Variants in CFAP20DC observed in about 807,000 individuals in gnomAD.
CFAP20DC encodes CFAP20 domain containing.
A neutral mutation model predicts 101.7 loss-of-function variants in CFAP20DC; 84 were observed. The observed-to-expected ratio is 0.83, with a 90% CI of 0.69 to 0.99. The LOEUF (loss-of-function observed/expected upper bound fraction) is 0.99. CFAP20DC is among the 50% of genes least tolerant of loss of function. The pLI is 0.00. For synonymous variants in CFAP20DC, 359 were observed against 351.2 expected, an observed-to-expected ratio of 1.02 and a Z score of -0.25; for missense variants, 1,007 against 970.3, an observed-to-expected ratio of 1.04 and a Z score of -0.50.
chr3:59,003,781 G>A (rs751148401), intron 4 of CFAP20DC, among the ~76,000 whole-genome samples: 45 of 152,222 alleles, frequency 3.0e-4, no homozygotes, highest in Admixed American at 3.9e-4. Flanking sequence ...ACTAACTTGC[G>A]GGAAGAAAGT....
At chr3:58,900,068 G>A (rs1411449214) in intron 6 of CFAP20DC, among the ~76,000 whole-genome samples, 1 of 152,206 alleles carries the variant, frequency 6.6e-6, no homozygotes, top group Non-Finnish European at 1.5e-5. Flanking sequence ...AGACATTTAA[G>A]TTGAGTCATA....
intron 12 of CFAP20DC, among the ~76,000 whole-genome samples, chr3:58,854,677 T>C (rs1207220288): frequency 2.0e-5 from 3 of 151,812 alleles, no homozygotes; most frequent in Non-Finnish European, 2.9e-5. Flanking sequence ...TCAGAAATAA[T>C]GCCACATATC....
Position 58,765,995 on chromosome 3 carries a change from T to C in CFAP20DC, c.2238-12132A>G, listed in dbSNP as rs866359655. On this transcript the variant is annotated intron_variant, in intron 15 of 16. Transcript: ENST00000482387. Reference sequence around the variant, plus strand: ...ACTTCCAATTTCAGGAGGTCAGAGATAGTCTAAAGCCCATATGTGAACCTC... The same window carrying C: ...ACTTCCAATTTCAGGAGGTCAGAGACAGTCTAAAGCCCATATGTGAACCTC... 2.4e-4 allele frequency among the ~76,000 whole-genome samples: 36 copies of C among 152,248 alleles called. No homozygotes were observed. In the Middle Eastern group the frequency reaches 0.01, roughly 43 times the overall value.
At chr3:58,923,723 T>C (rs2085644285) in intron 5 of CFAP20DC, among the ~76,000 whole-genome samples, 1 of 152,214 alleles carries the variant, frequency 6.6e-6, no homozygotes, top group Admixed American at 6.5e-5. Context: ...TGTATGTGTG[T>C]GCCTGTATTA....
rs907343976 is a variant in CFAP20DC, at chr3:58,799,842, G to T, written c.2237+6553C>A. Among the ~76,000 whole-genome samples the T allele has an allele frequency of 1.6e-4, 25 of 152,140 alleles. No homozygotes were observed. The highest frequency in any genetic ancestry group is 5.1e-4 in the African/African-American group (21 of 41,498). On this transcript the variant is annotated intron_variant, in intron 15 of 16. Coordinates refer to ENST00000482387, the MANE Select transcript of CFAP20DC (RefSeq NM_001394063.1). This position sits in a 1 kb window ranked among gnomAD's most constrained non-coding sequence, Gnocchi z 4.9. ...AAACAAAAAAGATAATGTGCTAAAG[G>T]TGACTGAGGGCTATTTTAGGGTGGA...
chr3:58,783,009 A>G (rs536750704), intron 15 of CFAP20DC, among the ~76,000 whole-genome samples: 3 of 152,106 alleles, frequency 2.0e-5, no homozygotes, highest in Non-Finnish European at 4.4e-5. Flanking sequence ...GTGAGGCATC[A>G]TATTACCTGA....
intron 3 of CFAP20DC, among the ~76,000 whole-genome samples, chr3:59,043,008 G>T (rs990907604): frequency 6.6e-6 from 1 of 152,184 alleles, no homozygotes; most frequent in Non-Finnish European, 1.5e-5. Context: ...GAATTTCGAG[G>T]AGTAAAGACC....
At chr3:58,871,087 A>G (rs955850314) in intron 7 of CFAP20DC, among the ~76,000 whole-genome samples, 2 of 152,168 alleles carry the variant, frequency 1.3e-5, no homozygotes, top group Non-Finnish European at 2.9e-5. Context: ...GAGGCGGATA[A>G]GACCAGTAAA....
At chr3:58,811,370 G>C (rs1217097707) in intron 14 of CFAP20DC, among the ~76,000 whole-genome samples, 1 of 152,008 alleles carries the variant, frequency 6.6e-6, no homozygotes, top group Non-Finnish European at 1.5e-5. Context: ...TAGATCAATG[G>C]AACAGAACAG....
intron 6 of CFAP20DC, among the ~76,000 whole-genome samples, chr3:58,904,373 T>A (rs964323787): frequency 2.2e-4 from 34 of 152,270 alleles, no homozygotes; most frequent in Middle Eastern, 3.4e-3. Flanking sequence ...CAGATATTCA[T>A]GACCCATTTT....
intron 4 of CFAP20DC, among the ~76,000 whole-genome samples, chr3:58,966,233 C>G (rs1478538997): frequency 2.6e-4 from 40 of 152,146 alleles, no homozygotes. Context: ...AGAAGTGACC[C>G]TTAAAGCCAG....
At chr3:58,963,589 CAG>C (rs200481851) in intron 4 of CFAP20DC, among the ~76,000 whole-genome samples, 2,194 of 152,104 alleles carry the variant, frequency 0.014, 21 homozygotes, top group Middle Eastern at 0.024. Flanking sequence ...TAGATGGTAA[CAG>C]AGAAGCCTCA....
chr3:58,798,964 CTT>C (rs760181684), intron 15 of CFAP20DC, among the ~76,000 whole-genome samples: 9 of 152,126 alleles, frequency 5.9e-5, no homozygotes, highest in Non-Finnish European at 1.2e-4. Flanking sequence ...AGTAACATAA[CTT>C]TTACATGCAC....
intron 14 of CFAP20DC, among the ~76,000 whole-genome samples, chr3:58,829,768 G>A (rs777842290): frequency 6.6e-6 from 1 of 152,180 alleles, no homozygotes; most frequent in Non-Finnish European, 1.5e-5. Context: ...GAACAGGACA[G>A]CGATGAGAAC....
At chr3:58,962,560 G>A (rs2091225959) in intron 4 of CFAP20DC, among the ~76,000 whole-genome samples, 1 of 152,074 alleles carries the variant, frequency 6.6e-6, no homozygotes, top group African/African-American at 2.4e-5. Flanking sequence ...GGCTTCCTAG[G>A]GGTCACTGCT....
intron 4 of CFAP20DC, among the ~76,000 whole-genome samples, chr3:58,948,684 G>C (rs1008961690): frequency 1.7e-4 from 26 of 152,116 alleles, no homozygotes; most frequent in Non-Finnish European, 3.4e-4. Context: ...TGCTGGATTC[G>C]GTTTGCCCGT....
intron 15 of CFAP20DC, among the ~76,000 whole-genome samples, chr3:58,763,949 C>T (rs905095623): frequency 6.6e-6 from 1 of 152,218 alleles, no homozygotes; most frequent in African/African-American, 2.4e-5. Flanking sequence ...TCTGCCCCTA[C>T]TCGGGGGTTC....
In CFAP20DC at chr3:58,743,057, C is replaced by T. The variant is rs1005213327; in HGVS notation, c.2333-485G>A. Among the ~76,000 whole-genome samples the T allele has an allele frequency of 2.6e-5, 4 of 152,222 alleles. No homozygotes were observed. In the South Asian group the frequency reaches 6.2e-4, roughly 24 times the overall value. On this transcript the variant is annotated intron_variant, in intron 16 of 16. Transcript: ENST00000482387. Reference sequence around the variant, plus strand: ...ACAAATATGAATTAAAATAATAGAACTATAAGATACATAGAACAGACAACA... The same window carrying T: ...ACAAATATGAATTAAAATAATAGAATTATAAGATACATAGAACAGACAACA...
At chr3:58,739,931 C>T (rs1559530240), downstream of CFAP20DC, among the ~76,000 whole-genome samples, 1 of 152,092 alleles carries the variant, frequency 6.6e-6, no homozygotes, top group East Asian at 1.9e-4. Context: ...TGGTAGACAC[C>T]TTTAGAATGT....
Sources: gnomAD v4.1 joint callset for allele counts (sites outside exome capture counted in the v4.1 genomes callset) on GRCh38, gnomAD v4.1.1 for gene constraint, Gnocchi (gnomAD v3.1) non-coding constraint, MANE v1.5 for transcripts, NCBI Gene and HGNC (gene_info 2026-07-23, HGNC 2026-07-21) for gene names.